SEMA3A: variants seen among roughly 807,000 people sequenced by gnomAD.
SEMA3A encodes semaphorin 3A.
Under a neutral mutation model 97.9 loss-of-function variants are expected in SEMA3A, and 29 were observed. That is an observed-to-expected ratio of 0.30 (90% CI 0.22 to 0.40). The LOEUF (loss-of-function observed/expected upper bound fraction) is 0.40, where lower values mean the gene tolerates loss of function less well. Ranked by LOEUF, SEMA3A falls within the 10% of genes least tolerant of loss-of-function variation. The pLI, the probability that SEMA3A is intolerant of heterozygous loss-of-function variation, is 1.00. For missense variants in SEMA3A, 763 were observed against 951.3 expected (o/e 0.80, Z 2.60); for synonymous variants, 321 against 323.7 (o/e 0.99, Z 0.09).
intron 2 of SEMA3A, among the ~76,000 whole-genome samples, chr7:84,332,069 T>C (rs1486312374): frequency 2.6e-5 from 4 of 152,192 alleles, no homozygotes; most frequent in Admixed American, 1.3e-4. Flanking sequence ...GTTGTCTTCC[T>C]CTTTAGTTAA....
intron 15 of SEMA3A, among the ~76,000 whole-genome samples, chr7:83,976,560 C>CT (rs3839778): frequency 0.076 from 11,554 of 151,980 alleles, 908 homozygotes; most frequent in East Asian, 0.21. Flanking sequence ...TACTAAGCAA[C>CT]TTTGACATTA....
intron 12 of SEMA3A, among the ~76,000 whole-genome samples, chr7:84,001,606 T>C (rs1375683350): frequency 1.3e-5 from 2 of 152,082 alleles, no homozygotes; most frequent in Admixed American, 1.3e-4. Flanking sequence ...GGAAGTTACA[T>C]ATCATTTCAG....
chr7:84,086,707 C>CAT (rs1157212534), intron 4 of SEMA3A, among the ~76,000 whole-genome samples: 1 of 148,140 alleles, frequency 6.8e-6, no homozygotes, highest in Non-Finnish European at 1.5e-5. Context: ...TATGGAACAT[C>CAT]ATATATATGT....
At chr7:84,367,687 G>A (rs2116089200) in intron 2 of SEMA3A, among the ~76,000 whole-genome samples, 1 of 151,086 alleles carries the variant, frequency 6.6e-6, no homozygotes, top group Non-Finnish European at 1.5e-5. Context: ...AATGAAAAAG[G>A]CAGATAGGTG....
intron 16 of SEMA3A, among the ~76,000 whole-genome samples, chr7:83,962,932 CA>C (rs1261303962): frequency 6.6e-6 from 1 of 151,952 alleles, no homozygotes; most frequent in Non-Finnish European, 1.5e-5. Context: ...TGTAGATAAA[CA>C]CAGTAAGAAA....
intron 4 of SEMA3A, among the ~76,000 whole-genome samples, chr7:84,079,505 A>G (rs890468622): frequency 3.9e-5 from 6 of 151,944 alleles, no homozygotes; most frequent in Non-Finnish European, 7.4e-5. Flanking sequence ...CAAATTTACA[A>G]GAAAAAAACA....
In SEMA3A at chr7:83,958,544, A is replaced by C. The variant is rs1394650772; in HGVS notation, c.*2827T>G. On this transcript the variant is annotated 3_prime_UTR_variant, in exon 17 of 17. Transcript: ENST00000265362. ...CGCACCTTCCGCCCTTAAATAGTACATAAACCACCTTGTCACCTGCGTGGG... is the reference window on the plus strand; with the variant it reads ...CGCACCTTCCGCCCTTAAATAGTACCTAAACCACCTTGTCACCTGCGTGGG... The C allele has an allele frequency of 3.3e-5, 5 of 152,500 alleles. No individual in the cohort carries two copies. The highest frequency in any genetic ancestry group is 7.2e-5 in the African/African-American group (3 of 41,442). The allele number at this position is 152,500 out of a possible 1,614,324, so 9.4% of individuals were successfully genotyped here.
At chr7:84,082,019 CCTT>C (rs1583933240) in intron 4 of SEMA3A, among the ~76,000 whole-genome samples, 1 of 152,196 alleles carries the variant, frequency 6.6e-6, no homozygotes, top group East Asian at 1.9e-4. Flanking sequence ...CTGCTCTCCT[CCTT>C]ACTTTTATTT....
At chr7:84,138,471 A>C (rs1387819867) in intron 1 of SEMA3A, among the ~76,000 whole-genome samples, 3 of 152,130 alleles carry the variant, frequency 2.0e-5, no homozygotes, top group African/African-American at 7.2e-5. Flanking sequence ...CAATTGAAAA[A>C]TATGTTCCAG....
chr7:84,259,654 G>T (rs1297347992), intron 3 of SEMA3A, among the ~76,000 whole-genome samples: 1 of 151,976 alleles, frequency 6.6e-6, no homozygotes, highest in East Asian at 1.9e-4. Flanking sequence ...AAAAAAATGG[G>T]AATCTTCCCT....
intron 11 of SEMA3A, 76 bp from the exon 12 acceptor site, chr7:84,002,122 TA>T: frequency 1.2e-6 from 1 of 819,250 alleles, no homozygotes. Context: ...ATGAAATATG[TA>T]TTTGTCAGAC....
chr7:84,373,823 A>G (rs1224325804), intron 1 of SEMA3A, among the ~76,000 whole-genome samples: 1 of 152,364 alleles, frequency 6.6e-6, no homozygotes, highest in East Asian at 1.9e-4. Context: ...GTGTCTGGAA[A>G]ATAAAAGTGA....
intron 4 of SEMA3A, among the ~76,000 whole-genome samples, chr7:84,078,841 T>C (rs1331992401): frequency 2.0e-5 from 3 of 152,062 alleles, no homozygotes; most frequent in Non-Finnish European, 2.9e-5. Context: ...AATATTTATG[T>C]CTAAATTAAG....
chr7:84,160,820 C>T (rs1797006982), intron 1 of SEMA3A, among the ~76,000 whole-genome samples: 1 of 151,852 alleles, frequency 6.6e-6, no homozygotes, highest in Admixed American at 6.6e-5. Flanking sequence ...GAGGAGGTTG[C>T]AGTGAGCCGA....
At chr7:84,375,018 A>G (rs1384375790) in intron 1 of SEMA3A, among the ~76,000 whole-genome samples, 1 of 151,894 alleles carries the variant, frequency 6.6e-6, no homozygotes, top group East Asian at 1.9e-4. Flanking sequence ...GTAATATTTT[A>G]TTTTATTTTT....
chr7:84,088,132 C>T (rs950241962), intron 4 of SEMA3A, among the ~76,000 whole-genome samples: 8 of 152,090 alleles, frequency 5.3e-5, no homozygotes, highest in African/African-American at 1.7e-4. Flanking sequence ...CACATGCTGT[C>T]ATCACAAAAT....
At chr7:83,963,080 G>A (rs946343430) in intron 16 of SEMA3A, 125 bp downstream of exon 16, 16 of 978,040 alleles carry the variant, frequency 1.6e-5, no homozygotes, top group Admixed American at 1.2e-4. Context: ...ATGAATGAGC[G>A]ATTGATTGGT....
At chr7:84,164,093 C>T (rs1797131778) in intron 1 of SEMA3A, among the ~76,000 whole-genome samples, 1 of 152,076 alleles carries the variant, frequency 6.6e-6, no homozygotes, top group Non-Finnish European at 1.5e-5. Flanking sequence ...GATCCGCCCA[C>T]CTTGGCCTCT....
chr7:84,055,606 G>A (rs1583885968), intron 5 of SEMA3A, among the ~76,000 whole-genome samples: 1 of 152,270 alleles, frequency 6.6e-6, no homozygotes, highest in East Asian at 1.9e-4. Flanking sequence ...CCACTGTCTG[G>A]CACTCCCTAG....
Sources: allele counts gnomAD v4.1 joint callset (sites outside exome capture counted in the v4.1 genomes callset), GRCh38; gene constraint gnomAD v4.1.1; transcripts MANE v1.5; gene names NCBI Gene and HGNC (gene_info 2026-07-23, HGNC 2026-07-21).